The following SH3RF3 variants were observed in gnomAD, a reference collection of about 807,000 sequenced individuals.
The protein encoded by SH3RF3 is SH3 domain containing ring finger 3.
A neutral mutation model predicts 66.3 loss-of-function variants in SH3RF3; 29 were observed. That is an observed-to-expected ratio of 0.44 (90% CI 0.33 to 0.60). The LOEUF is 0.60. Ranked by LOEUF, SH3RF3 falls within the 20% of genes least tolerant of loss-of-function variation. SH3RF3 has a pLI of 0.04. For missense variants in SH3RF3, 1,194 were observed against 1,190.9 expected (o/e 1.00, Z -0.04); for synonymous variants, 583 against 532.0 (o/e 1.10, Z -1.32).
At chr2:109,341,300 C>T (rs896885106) in intron 1 of SH3RF3, among the ~76,000 whole-genome samples, 2 of 152,148 alleles carry the variant, frequency 1.3e-5, no homozygotes, top group East Asian at 1.9e-4. Flanking sequence ...ACTTCTTCAT[C>T]GCGGATTAAA....
intron 1 of SH3RF3, among the ~76,000 whole-genome samples, chr2:109,284,500 G>T (rs1026629751): frequency 6.6e-6 from 1 of 152,126 alleles, no homozygotes; most frequent in Non-Finnish European, 1.5e-5. Context: ...CTCTCCTCTC[G>T]TCCAGCCTTG....
chr2:109,371,715 T>C, intron 3 of SH3RF3, 34 bp downstream of exon 3: 2 of 1,591,674 alleles, frequency 1.3e-6, no homozygotes, highest in Non-Finnish European at 1.7e-6. Context: ...ACTTGGCTCC[T>C]TCTTGCCCAC....
intron 1 of SH3RF3, among the ~76,000 whole-genome samples, chr2:109,214,323 C>T (rs558855633): frequency 1.3e-5 from 2 of 152,210 alleles, no homozygotes; most frequent in Non-Finnish European, 2.9e-5. Flanking sequence ...AGCATTGCTA[C>T]CCTGGCAGAG....
chr2:109,164,931 A>C (rs1325678202), intron 1 of SH3RF3, among the ~76,000 whole-genome samples: 1 of 152,232 alleles, frequency 6.6e-6, no homozygotes, highest in Non-Finnish European at 1.5e-5. Flanking sequence ...GACCATTGCA[A>C]ATAAAAATGA....
At chr2:109,169,044 C>G (rs1677694978) in intron 1 of SH3RF3, among the ~76,000 whole-genome samples, 1 of 152,162 alleles carries the variant, frequency 6.6e-6, no homozygotes, top group Non-Finnish European at 1.5e-5. Context: ...TCACTGAGGG[C>G]TGAGAAGTGG....
chr2:109,244,319 T>C (rs1679859571), intron 1 of SH3RF3, among the ~76,000 whole-genome samples: 1 of 152,306 alleles, frequency 6.6e-6, no homozygotes, highest in Middle Eastern at 3.4e-3. Flanking sequence ...ATTTTGCATC[T>C]AGGAGCAGGT....
At chr2:109,447,147 TAA>T (rs61240132) in intron 7 of SH3RF3, among the ~76,000 whole-genome samples, 2,405 of 82,710 alleles carry the variant, frequency 0.029, 66 homozygotes, top group African/African-American at 0.086. Flanking sequence ...CCTGAATATT[TAA>T]AAAAAAAAAA....
chr2:109,207,837 T>G (rs1273388040), intron 1 of SH3RF3, among the ~76,000 whole-genome samples: 1 of 152,216 alleles, frequency 6.6e-6, no homozygotes, highest in Non-Finnish European at 1.5e-5. Flanking sequence ...AAAATTAAAC[T>G]ATACCTCATA....
chr2:109,347,831 C>T lies in SH3RF3; in HGVS notation c.731C>T (p.Pro244Leu), dbSNP rs1574588842. 1.2e-6 allele frequency: 2 copies of T among 1,613,966 alleles called. No individual in the cohort carries two copies. The highest frequency in any genetic ancestry group is 1.7e-6 in the Non-Finnish European group (2 of 1,179,878). ...CTGCACGGCACACAGGGCTTCCTCC[C>T]AGCCAGCTATATCCAGTGCATCCAG... ...GELHGTQGFL[P>L]ASYIQCIQPL... Residue 244 changes from proline (P) to leucine (L), a missense_variant, in exon 2 of 10, where the codon CCA becomes CTA. Pro to Leu is a moderately conservative substitution (Grantham distance 98). Transcript: ENST00000309415.
chr2:109,187,961 G>T (rs1558947239), intron 1 of SH3RF3, among the ~76,000 whole-genome samples: 2 of 152,186 alleles, frequency 1.3e-5, no homozygotes. Context: ...GTCTTTGGAG[G>T]GCGGTAGGGA....
intron 4 of SH3RF3, among the ~76,000 whole-genome samples, chr2:109,410,343 G>T (rs1432864935): frequency 6.6e-6 from 1 of 152,238 alleles, no homozygotes; most frequent in Non-Finnish European, 1.5e-5. Flanking sequence ...AGATGCAGGA[G>T]CAATGGAGCT....
At chr2:109,384,019 T>C (rs1286630864) in intron 3 of SH3RF3, among the ~76,000 whole-genome samples, 1 of 152,204 alleles carries the variant, frequency 6.6e-6, no homozygotes, top group African/African-American at 2.4e-5. Context: ...CAGCCCATCC[T>C]TTCCATCTCT....
intron 4 of SH3RF3, among the ~76,000 whole-genome samples, chr2:109,409,354 G>A (rs1378630965): frequency 6.6e-6 from 1 of 152,212 alleles, no homozygotes; most frequent in Non-Finnish European, 1.5e-5. Context: ...GGTAGTATCT[G>A]CCGCAGTGAC....
intron 2 of SH3RF3, among the ~76,000 whole-genome samples, chr2:109,348,453 G>T (rs1361030778): frequency 2.0e-5 from 3 of 152,222 alleles, no homozygotes; most frequent in Non-Finnish European, 4.4e-5. Flanking sequence ...ACCCTGGTGC[G>T]TAGGGATCCC....
At position 109,435,502 on chromosome 2, in the gene SH3RF3, G is replaced by A. The variant is rs115433426; in HGVS notation, c.1575-1391G>A. 2.4e-3 allele frequency among the ~76,000 whole-genome samples: 358 copies of A among 152,304 alleles called. 1 individual carries two copies. The highest frequency in any genetic ancestry group is 8.0e-3 in the African/African-American group (334 of 41,564). On this transcript the variant is annotated intron_variant, in intron 6 of 9. Coordinates refer to ENST00000309415, the MANE Select transcript of SH3RF3 (RefSeq NM_001099289.3). ...GGCCCTGAAGTGCTGGTGGGCTCTC[G>A]GGGCTGGGAGTATAGTGCTCAGAGC...
intron 8 of SH3RF3, 140 bp downstream of exon 8, chr2:109,449,629 T>A: frequency 8.6e-7 from 1 of 1,164,086 alleles, no homozygotes; most frequent in Non-Finnish European, 1.2e-6. Context: ...GAACCAGGCG[T>A]GTGACAGAGA....
chr2:109,270,228 G>A (rs1260027817), intron 1 of SH3RF3, among the ~76,000 whole-genome samples: 1 of 152,208 alleles, frequency 6.6e-6, no homozygotes, highest in African/African-American at 2.4e-5. Flanking sequence ...GATCTGGGGG[G>A]TGAGGATGCT....
chr2:109,421,465 A>G (rs968011509), intron 5 of SH3RF3, among the ~76,000 whole-genome samples: 1 of 152,218 alleles, frequency 6.6e-6, no homozygotes, highest in Non-Finnish European at 1.5e-5. Context: ...CCAAAACGTA[A>G]CAGTTCCAGG....
chr2:109,469,333 C>T (rs973694182), intron 8 of SH3RF3, among the ~76,000 whole-genome samples: 8 of 152,234 alleles, frequency 5.3e-5, no homozygotes, highest in Non-Finnish European at 2.9e-5. Context: ...GTGTGGCATG[C>T]GGCTGGGCCC....
Sources: allele counts gnomAD v4.1 joint callset (sites outside exome capture counted in the v4.1 genomes callset), GRCh38; gene constraint gnomAD v4.1.1; transcripts MANE v1.5; gene names NCBI Gene and HGNC (gene_info 2026-07-23, HGNC 2026-07-21).